NAALADL2: variants seen among roughly 807,000 people sequenced by gnomAD.
The protein encoded by NAALADL2 is N-acetylated alpha-linked acidic dipeptidase like 2.
In NAALADL2, 76 loss-of-function variants were observed where a neutral mutation model predicts 87.2. That is an observed-to-expected ratio of 0.87 (90% confidence interval 0.72 to 1.05). NAALADL2 has a LOEUF of 1.05. Among genes scored for constraint, NAALADL2 ranks in the 50% least tolerant of loss-of-function variants. The pLI is 0.00. For synonymous variants in NAALADL2, 354 were observed against 331.0 expected (o/e 1.07, Z -0.75); for missense variants, 1,089 against 945.8 (o/e 1.15, Z -1.99).
chr3:175,034,245 A>C (rs894795197), intron 1 of NAALADL2, among the ~76,000 whole-genome samples: 20 of 152,142 alleles, frequency 1.3e-4, no homozygotes, highest in Admixed American at 2.6e-4. Flanking sequence ...TTTTAAAAAA[A>C]GCTTGGTAAA....
intron 4 of NAALADL2, among the ~76,000 whole-genome samples, chr3:175,319,692 C>T (rs972947741): frequency 1.3e-4 from 20 of 152,014 alleles, no homozygotes; most frequent in South Asian, 4.1e-4. Flanking sequence ...TGGTGGTGCG[C>T]GCCTGTAATC....
At chr3:175,317,996 G>A (rs1054362765) in intron 4 of NAALADL2, among the ~76,000 whole-genome samples, 3 of 152,034 alleles carry the variant, frequency 2.0e-5, no homozygotes, top group African/African-American at 7.2e-5. Flanking sequence ...CTACAAGCAT[G>A]TTTATTGCAT....
chr3:175,597,515 C>A lies in NAALADL2; in HGVS notation c.1800+21328C>A, dbSNP rs186826736. Among the ~76,000 whole-genome samples the A allele has an allele frequency of 1.0e-3, 156 of 152,020 alleles. 1 individual carries two copies. Among genetic ancestry groups the A allele is most frequent in the Admixed American group, 3.9e-3 (60 of 15,262 alleles). Reference sequence around the variant, plus strand: ...ATTTAATATCTTTAATCTTTAATCTCTTTATCTATAGAGTGAGAGTCATGA... The same window carrying A: ...ATTTAATATCTTTAATCTTTAATCTATTTATCTATAGAGTGAGAGTCATGA... On this transcript the variant is annotated intron_variant, in intron 10 of 13. Transcript: ENST00000454872.
chr3:175,146,225 A>G (rs1249383242), intron 2 of NAALADL2, among the ~76,000 whole-genome samples: 2 of 152,106 alleles, frequency 1.3e-5, no homozygotes, highest in Non-Finnish European at 2.9e-5. Flanking sequence ...AATAAATTCA[A>G]TTCCATCAAA....
chr3:175,615,390 A>G (rs1217503205), intron 10 of NAALADL2, among the ~76,000 whole-genome samples: 1 of 152,204 alleles, frequency 6.6e-6, no homozygotes, highest in Admixed American at 6.5e-5. Flanking sequence ...AAATAGTTCT[A>G]GACATTATTT....
chr3:175,053,779 T>C (rs1040791101), intron 1 of NAALADL2, among the ~76,000 whole-genome samples: 2 of 152,228 alleles, frequency 1.3e-5, no homozygotes, highest in Non-Finnish European at 2.9e-5. Context: ...ATTTGGCAAG[T>C]TGGGCATCGC....
intron 1 of NAALADL2, among the ~76,000 whole-genome samples, chr3:175,091,585 T>C (rs1720132308): frequency 6.6e-6 from 1 of 152,032 alleles, no homozygotes; most frequent in African/African-American, 2.4e-5. Flanking sequence ...TGAGTTAAAA[T>C]ATTATCAGTA....
intron 2 of NAALADL2, among the ~76,000 whole-genome samples, chr3:174,719,572 A>G (rs955922137): frequency 4.6e-5 from 7 of 152,332 alleles, no homozygotes; most frequent in Middle Eastern, 3.4e-3. Context: ...TATACTCCCT[A>G]ATATTAGCAT....
intron 2 of NAALADL2, among the ~76,000 whole-genome samples, chr3:174,709,438 G>A (rs1374142005): frequency 6.6e-6 from 1 of 152,034 alleles, no homozygotes; most frequent in African/African-American, 2.4e-5. Flanking sequence ...TTTCTGTAGT[G>A]ACAAATTTCT....
intron 1 of NAALADL2, among the ~76,000 whole-genome samples, chr3:174,548,769 C>T (rs1711728060): frequency 1.3e-5 from 2 of 152,128 alleles, no homozygotes; most frequent in Admixed American, 6.6e-5. Flanking sequence ...TTACCTGAGT[C>T]GACTCTCCCA....
At chr3:174,929,813 C>T (rs920812955) in intron 1 of NAALADL2, among the ~76,000 whole-genome samples, 1 of 152,088 alleles carries the variant, frequency 6.6e-6, no homozygotes, top group Admixed American at 6.6e-5. Flanking sequence ...CTTCCTAGTT[C>T]TGTAACTTTA....
At chr3:174,576,885 A>G (rs983892005) in intron 2 of NAALADL2, among the ~76,000 whole-genome samples, 3 of 152,210 alleles carry the variant, frequency 2.0e-5, no homozygotes, top group Non-Finnish European at 4.4e-5. Flanking sequence ...AGTAAAATAT[A>G]CATTATACAC....
chr3:174,626,767 T>G (rs1178141861), intron 2 of NAALADL2, among the ~76,000 whole-genome samples: 1 of 152,042 alleles, frequency 6.6e-6, no homozygotes, highest in Non-Finnish European at 1.5e-5. Context: ...TATTTGGCTG[T>G]ATAGAGCAAG....
intron 1 of NAALADL2, among the ~76,000 whole-genome samples, chr3:174,964,972 T>C (rs1327343109): frequency 6.6e-6 from 1 of 152,020 alleles, no homozygotes; most frequent in Non-Finnish European, 1.5e-5. Context: ...ATTACTTATG[T>C]ATTGCTACAT....
chr3:175,369,170 G>A (rs1045489678), intron 5 of NAALADL2, among the ~76,000 whole-genome samples: 14 of 152,160 alleles, frequency 9.2e-5, no homozygotes, highest in African/African-American at 3.4e-4. Flanking sequence ...CCTCATGTAT[G>A]TGATTTGTTC....
chr3:175,259,098 A>G (rs1053690965), intron 4 of NAALADL2, among the ~76,000 whole-genome samples: 11 of 152,206 alleles, frequency 7.2e-5, no homozygotes, highest in African/African-American at 2.4e-4. Context: ...TGCCCAGGAG[A>G]TCCAAAGGCA....
At chr3:174,522,933 CAAAAA>C (rs57653560) in intron 1 of NAALADL2, among the ~76,000 whole-genome samples, 3 of 75,838 alleles carry the variant, frequency 4.0e-5, no homozygotes, top group Admixed American at 1.9e-4. Context: ...GACTCTGTCT[CAAAAA>C]AAAAAAAAAA....
chr3:175,345,341 T>C (rs1236321657), intron 5 of NAALADL2, among the ~76,000 whole-genome samples: 1 of 152,086 alleles, frequency 6.6e-6, no homozygotes, highest in African/African-American at 2.4e-5. Flanking sequence ...GTTTGTTAAA[T>C]AATATTAAAA....
intron 5 of NAALADL2, among the ~76,000 whole-genome samples, chr3:175,349,628 T>C (rs1225701775): frequency 6.6e-6 from 1 of 152,288 alleles, no homozygotes; most frequent in East Asian, 1.9e-4. Context: ...TTGCTCCTTA[T>C]CTTTAACTGT....
Sources: gnomAD v4.1 joint callset for allele counts (sites outside exome capture counted in the v4.1 genomes callset) on GRCh38, gnomAD v4.1.1 for gene constraint, MANE v1.5 for transcripts, NCBI Gene and HGNC (gene_info 2026-07-23, HGNC 2026-07-21) for gene names.